Variants in COL11A1 observed in about 807,000 individuals in gnomAD.
COL11A1 encodes the protein collagen type XI alpha 1 chain, also known as collagen alpha-1(XI) chain.
In COL11A1, 74 loss-of-function variants were observed where a neutral mutation model predicts 265.2. The ratio of observed to expected loss-of-function variants is 0.28; its 90% CI spans 0.23 to 0.34. The LOEUF is 0.34. COL11A1 is among the 10% of genes least tolerant of loss of function. COL11A1 has a pLI of 1.00. For missense variants in COL11A1, 2,165 were observed against 2,263.6 expected, an observed-to-expected ratio of 0.96 and a Z score of 0.88; for synonymous variants, 816 against 727.6, an observed-to-expected ratio of 1.12 and a Z score of -1.96.
intron 54 of COL11A1, among the ~76,000 whole-genome samples, chr1:102,908,099 T>A (rs1654205745): frequency 6.6e-6 from 1 of 152,114 alleles, no homozygotes; most frequent in Non-Finnish European, 1.5e-5. Context: ...TTTTGTTAAT[T>A]GGTGTATGTG....
At chr1:102,891,709 TAC>T (rs386419553) in intron 57 of COL11A1, among the ~76,000 whole-genome samples, 2 of 111,716 alleles carry the variant, frequency 1.8e-5, no homozygotes, top group African/African-American at 7.2e-5. Flanking sequence ...ACATTTTGTC[TAC>T]AAAAAAAAAA....
At chr1:102,908,816 C>G (rs1654301877) in intron 54 of COL11A1, among the ~76,000 whole-genome samples, 1 of 151,970 alleles carries the variant, frequency 6.6e-6, no homozygotes, top group African/African-American at 2.4e-5. Flanking sequence ...TCCACTTAAC[C>G]ATAATTTTAT....
rs748344500 is a variant in COL11A1, at chr1:103,108,229, G to A, written c.-51C>T. On this transcript the variant is annotated 5_prime_UTR_variant, in exon 1 of 67. Transcript: ENST00000370096. ...GAACTCAACCCACGAAATTGCGACT[G>A]CAGACCAACTTCGTCCTTTCCAAGG... 2 of 1,421,174 alleles carry A rather than the reference G, an allele frequency of 1.4e-6. No individual in the cohort carries two copies. Among genetic ancestry groups the A allele is most frequent in the Non-Finnish European group, 9.9e-7 (1 of 1,006,964 alleles). 88.0% of individuals were successfully genotyped at this position (1,421,174 alleles called of 1,614,324 possible).
intron 41 of COL11A1, among the ~76,000 whole-genome samples, chr1:102,956,363 C>G (rs374995707): frequency 6.6e-6 from 1 of 152,056 alleles, no homozygotes; most frequent in Non-Finnish European, 1.5e-5. Context: ...ACCATAAGCT[C>G]TTTGCAGGAA....
In COL11A1 at chr1:103,017,832, G is replaced by T; in HGVS notation, c.1401C>A (p.Asp467Glu). ...TCCATTCACTTACCCTATCGCCAGG[G>T]TCACCAGGGGGTCCAGTGGGGCCTT... ...GLQGPTGPPG[D>E]PGDRGPPGRP... The change falls in exon 11 of 67, where the codon GAC (aspartate) becomes GAA (glutamate). Residue 467 changes from aspartate (D) to glutamate (E), a missense_variant. Asp to Glu is a conservative substitution (Grantham distance 45). Coordinates refer to ENST00000370096, the MANE Select transcript of COL11A1 (RefSeq NM_001854.4). 6.2e-7 allele frequency: 1 copy of T among 1,612,960 alleles called. No individual in the cohort carries two copies. The highest frequency in any genetic ancestry group is 8.5e-7 in the Non-Finnish European group (1 of 1,179,096).
intron 4 of COL11A1, among the ~76,000 whole-genome samples, chr1:103,063,952 A>G (rs34883734): frequency 0.038 from 5,747 of 152,304 alleles, 125 homozygotes; most frequent in Middle Eastern, 0.092. Context: ...CTATGAAAAT[A>G]TGTTCAACAT....
At chr1:103,016,618 C>A (rs759807780) in intron 11 of COL11A1, among the ~76,000 whole-genome samples, 2 of 151,656 alleles carry the variant, frequency 1.3e-5, no homozygotes, top group Non-Finnish European at 2.9e-5. Flanking sequence ...TAACTCAAAG[C>A]GCCCAACCAA....
At chr1:102,927,019 A>G (rs1656670673) in intron 46 of COL11A1, among the ~76,000 whole-genome samples, 7 of 152,124 alleles carry the variant, frequency 4.6e-5, no homozygotes, top group Admixed American at 4.6e-4. Flanking sequence ...GTTATCTGAT[A>G]AACATTTATT....
chr1:102,886,514 C>T lies in COL11A1; in HGVS notation c.4858+293G>A, dbSNP rs147866555. Among the ~76,000 whole-genome samples, 39 of 152,228 alleles carry T rather than the reference C, an allele frequency of 2.6e-4. 1 individual carries two copies. The East Asian group carries it at 6.8e-3, about 26-fold the overall frequency. ...TACAATATACACATGTGTGTATACA[C>T]AGTATCCATTCTGTGATAGTTATTA... On this transcript the variant is annotated intron_variant, in intron 63 of 66. Transcript: ENST00000370096.
chr1:102,978,662 G>T, intron 35 of COL11A1, 46 bp downstream of exon 35: 1 of 1,586,070 alleles, frequency 6.3e-7, no homozygotes, highest in South Asian at 1.1e-5. Context: ...AATACTTGCA[G>T]AAATACTAAT....
chr1:103,104,772 ATAATAT>A (rs921765439), intron 1 of COL11A1, among the ~76,000 whole-genome samples: 1 of 152,222 alleles, frequency 6.6e-6, no homozygotes, highest in African/African-American at 2.4e-5. Context: ...ATGGAAAGAC[ATAATAT>A]TAATGAGTTT....
At chr1:102,896,967 T>A (rs1189098445) in intron 57 of COL11A1, among the ~76,000 whole-genome samples, 8 of 152,148 alleles carry the variant, frequency 5.3e-5, no homozygotes, top group Non-Finnish European at 1.0e-4. Flanking sequence ...GAGCTGATCC[T>A]GCTTCAACCG....
At chr1:102,879,296 A>G (rs951081726) in intron 66 of COL11A1, among the ~76,000 whole-genome samples, 1 of 151,914 alleles carries the variant, frequency 6.6e-6, no homozygotes, top group African/African-American at 2.4e-5. Context: ...AATTATTGAT[A>G]TTATAAATGG....
At chr1:103,015,137 GA>G (rs1229250214) in intron 12 of COL11A1, among the ~76,000 whole-genome samples, 3 of 151,814 alleles carry the variant, frequency 2.0e-5, no homozygotes, top group Non-Finnish European at 4.4e-5. Flanking sequence ...AATGCAGTAG[GA>G]GTCAATTTTT....
At chr1:102,912,938 T>C (rs959870407) in intron 53 of COL11A1, among the ~76,000 whole-genome samples, 2 of 152,192 alleles carry the variant, frequency 1.3e-5, no homozygotes, top group Non-Finnish European at 2.9e-5. Context: ...GAATTGTGAG[T>C]CAATTAAACC....
intron 37 of COL11A1, among the ~76,000 whole-genome samples, chr1:102,969,540 G>A (rs1661752042): frequency 6.6e-6 from 1 of 152,140 alleles, no homozygotes; most frequent in Non-Finnish European, 1.5e-5. Context: ...TTTGAAAGGG[G>A]CAAAATAAAT....
Position 103,108,233 on chromosome 1 carries a change from A to C in COL11A1, c.-55T>G. 7.2e-7 allele frequency: 1 copy of C among 1,384,700 alleles called. No individual in the cohort carries two copies. Among genetic ancestry groups the C allele is most frequent in the East Asian group, 2.3e-5 (1 of 43,628 alleles). The allele number at this position is 1,384,700 out of a possible 1,614,324, so 85.8% of individuals were successfully genotyped here. A position where few individuals can be genotyped will look rare whatever the true frequency, so the allele number is the denominator to read the frequency against. On this transcript the variant is annotated 5_prime_UTR_variant, in exon 1 of 67. Transcript: ENST00000370096. ...TCAACCCACGAAATTGCGACTGCAG[A>C]CCAACTTCGTCCTTTCCAAGGTATC...
At chr1:102,990,203 A>G (rs1663997838) in intron 28 of COL11A1, among the ~76,000 whole-genome samples, 1 of 152,062 alleles carries the variant, frequency 6.6e-6, no homozygotes, top group Non-Finnish European at 1.5e-5. Flanking sequence ...AACAACAAGA[A>G]CAACAACAAC....
At chr1:102,926,779 TA>T (rs529576689) in intron 46 of COL11A1, among the ~76,000 whole-genome samples, 186 of 151,948 alleles carry the variant, frequency 1.2e-3, no homozygotes, top group South Asian at 2.1e-3. Flanking sequence ...AGTAGTCAAA[TA>T]AAAAAAAGAA....
Sources: gnomAD v4.1 joint callset for allele counts (sites outside exome capture counted in the v4.1 genomes callset) on GRCh38, gnomAD v4.1.1 for gene constraint, MANE v1.5 for transcripts, NCBI Gene and HGNC (gene_info 2026-07-23, HGNC 2026-07-21) for gene names.